Variants in MINDY2 observed in about 807,000 individuals in gnomAD.
The protein encoded by MINDY2 is ubiquitin carboxyl-terminal hydrolase MINDY-2.
A neutral mutation model predicts 68.2 loss-of-function variants in MINDY2; 52 were observed. The ratio of observed to expected loss-of-function variants is 0.76; its 90% CI spans 0.61 to 0.96. The LOEUF (loss-of-function observed/expected upper bound fraction) is 0.96. MINDY2 is among the 40% of genes least tolerant of loss of function. MINDY2 has a pLI of 0.00. For synonymous variants in MINDY2, 372 were observed against 303.0 expected (o/e 1.23, Z -2.36); for missense variants, 881 against 773.4 (o/e 1.14, Z -1.65).
intron 8 of MINDY2, 86 bp downstream of exon 8, chr15:58,852,051 C>T: frequency 9.6e-7 from 1 of 1,042,778 alleles, no homozygotes; most frequent in Non-Finnish European, 1.4e-6. Flanking sequence ...CTTTGGGAGG[C>T]TGAGGCAGGC....
rs2032579657 is a variant in MINDY2 at position 58,847,234 on chromosome 15, A to C, written c.1369-63A>C. 29 of 1,314,430 alleles carry C rather than the reference A, an allele frequency of 2.2e-5. No homozygotes were observed. The Middle Eastern group carries it at 5.7e-4, about 26-fold the overall frequency. 81.4% of individuals were successfully genotyped at this position (1,314,430 alleles called of 1,614,324 possible). ...GATACAGATTGTAAAACTTTCCTTA[A>C]ATATTATATTACTAGTTTTGATCAA... On this transcript the variant is annotated intron_variant, in intron 6 of 8. Coordinates refer to ENST00000559228, the MANE Select transcript of MINDY2 (RefSeq NM_001040450.3).
At position 58,802,396 on chromosome 15, in the gene MINDY2, TA is replaced by T; in HGVS notation, c.963+22del. ...TGAACAGGTAATAAACAGTTTTTGT[TA>T]AAGTATATAATTTTAAAGTTTAAAT... On this transcript the variant is annotated intron_variant, in intron 3 of 8. Coordinates refer to ENST00000559228, the MANE Select transcript of MINDY2 (RefSeq NM_001040450.3). 6.7e-7 allele frequency: 1 copy of T among 1,481,824 alleles called. No homozygotes were observed. 91.8% of individuals were successfully genotyped at this position (1,481,824 alleles called of 1,614,324 possible).
chr15:58,841,915 T>C (rs1486744227), intron 6 of MINDY2, among the ~76,000 whole-genome samples: 2 of 152,168 alleles, frequency 1.3e-5, no homozygotes, highest in Non-Finnish European at 2.9e-5. Context: ...TCTCATATTA[T>C]ACATATGATC....
chr15:58,794,358 G>GGT (rs3985718), intron 2 of MINDY2, among the ~76,000 whole-genome samples: 68,579 of 138,848 alleles, frequency 0.49, 18,205 homozygotes, highest in Non-Finnish European at 0.62. Context: ...TTTTTTTTGG[G>GGT]GTGTGTGTGT....
At chr15:58,836,674 G>A (rs545471823) in intron 6 of MINDY2, among the ~76,000 whole-genome samples, 19 of 151,856 alleles carry the variant, frequency 1.3e-4, no homozygotes, top group South Asian at 4.2e-4. Flanking sequence ...GCTTGAGTGC[G>A]CTGCTGCAAT....
chr15:58,837,539 CAAA>C (rs59471550), intron 6 of MINDY2, among the ~76,000 whole-genome samples: 18 of 121,558 alleles, frequency 1.5e-4, no homozygotes, highest in Non-Finnish European at 1.1e-4. Context: ...ATGATGGCAC[CAAA>C]AAAAAAAAAA....
At chr15:58,842,165 A>G (rs1248591248) in intron 6 of MINDY2, among the ~76,000 whole-genome samples, 1 of 151,954 alleles carries the variant, frequency 6.6e-6, no homozygotes, top group East Asian at 1.9e-4. Flanking sequence ...CTTTATATTC[A>G]TGTCATAACT....
chr15:58,822,696 A>G (rs1295262132), intron 5 of MINDY2, among the ~76,000 whole-genome samples: 1 of 152,208 alleles, frequency 6.6e-6, no homozygotes, highest in African/African-American at 2.4e-5. Context: ...GTTCCAGTCA[A>G]TGATGAGAAA....
At chr15:58,801,261 A>G (rs1203842251) in intron 2 of MINDY2, among the ~76,000 whole-genome samples, 1 of 151,972 alleles carries the variant, frequency 6.6e-6, no homozygotes, top group Non-Finnish European at 1.5e-5. Context: ...GGCATGAGCC[A>G]TCATGCCCAG....
chr15:58,771,491 G>T lies in MINDY2; in HGVS notation c.96G>T (p.Glu32Asp). Residue 32 changes from glutamate (E) to aspartate (D), a missense_variant, in exon 1 of 9, where the codon GAG becomes GAT. Physicochemically the swap from Glu to Asp is conservative, Grantham distance 45. Transcript: ENST00000559228. ...GTTCTTCGCAGGAAGGGCTACAGGA[G>T]ACCAGGCTCGCCGCTGGTGATGGTC... ...GTGSSQEGLQ[E>D]TRLAAGDGPG... 6.2e-7 allele frequency: 1 copy of T among 1,612,496 alleles called. No homozygotes were observed. The highest frequency in any genetic ancestry group is 8.5e-7 in the Non-Finnish European group (1 of 1,179,822).
intron 5 of MINDY2, among the ~76,000 whole-genome samples, chr15:58,830,338 C>T (rs1266522608): frequency 6.6e-6 from 1 of 152,048 alleles, no homozygotes; most frequent in Non-Finnish European, 1.5e-5. Context: ...GATTCACTAG[C>T]GTTAAACTCA....
intron 6 of MINDY2, among the ~76,000 whole-genome samples, chr15:58,832,851 G>A (rs538320929): frequency 2.9e-4 from 44 of 152,250 alleles, no homozygotes; most frequent in African/African-American, 1.0e-3. Flanking sequence ...TCTAATCATG[G>A]AAGTTTATAT....
At chr15:58,845,033 C>T (rs1021731861) in intron 6 of MINDY2, among the ~76,000 whole-genome samples, 59 of 149,774 alleles carry the variant, frequency 3.9e-4, no homozygotes, top group African/African-American at 1.4e-3. Context: ...GGAGCTCAAA[C>T]AGCTCTCTAG....
At chr15:58,830,070 C>G (rs1025076601) in intron 5 of MINDY2, among the ~76,000 whole-genome samples, 7 of 152,102 alleles carry the variant, frequency 4.6e-5, no homozygotes, top group African/African-American at 1.7e-4. Flanking sequence ...TCTCTACTTA[C>G]TCCAAAAGGA....
rs530637888 is a variant in MINDY2 at position 58,826,728 on chromosome 15, G to A, written c.1225+4909G>A. On this transcript the variant is annotated intron_variant, in intron 5 of 8. Transcript: ENST00000559228. The stretch of plus-strand genomic sequence containing the variant: ...ATATTGTTCATATCAGAATTCTCCC[G>A]TTTTCCCAGTAATGCCCCTAATAGC... Among the ~76,000 whole-genome samples the A allele has an allele frequency of 1.6e-4, 24 of 152,042 alleles. No homozygotes were observed. The East Asian group carries it at 3.1e-3, about 20-fold the overall frequency.
At chr15:58,798,877 G>C (rs1356823045) in intron 2 of MINDY2, among the ~76,000 whole-genome samples, 3 of 152,122 alleles carry the variant, frequency 2.0e-5, no homozygotes, top group African/African-American at 7.2e-5. Context: ...ATTTTTCTTG[G>C]AAAGAGTAAT....
At chr15:58,833,922 G>T (rs375711457) in intron 6 of MINDY2, among the ~76,000 whole-genome samples, 1 of 151,978 alleles carries the variant, frequency 6.6e-6, no homozygotes, top group Non-Finnish European at 1.5e-5. Flanking sequence ...CCCTTCCCAC[G>T]AGGCCATATT....
At chr15:58,782,221 TA>T (rs1901191139) in intron 1 of MINDY2, among the ~76,000 whole-genome samples, 1 of 152,110 alleles carries the variant, frequency 6.6e-6, no homozygotes, top group South Asian at 2.1e-4. Context: ...CAATTTCTAC[TA>T]AAAAATCATG....
chr15:58,796,103 GAA>G, intron 2 of MINDY2: 1 of 456,010 alleles, frequency 2.2e-6, no homozygotes, highest in Non-Finnish European at 4.4e-6. Flanking sequence ...GGGAGGCAAG[GAA>G]ATGGAGCCTC....
Sources: gnomAD v4.1 joint callset for allele counts (sites outside exome capture counted in the v4.1 genomes callset) on GRCh38, gnomAD v4.1.1 for gene constraint, MANE v1.5 for transcripts, NCBI Gene and HGNC (gene_info 2026-07-23, HGNC 2026-07-21) for gene names.